Variants in PTPRR observed in about 807,000 individuals in gnomAD.
The protein encoded by PTPRR is receptor-type tyrosine-protein phosphatase R.
Under a neutral mutation model 77.2 loss-of-function variants are expected in PTPRR, and 38 were observed. The observed-to-expected ratio is 0.49, with a 90% CI of 0.38 to 0.65. The LOEUF is 0.65. Among genes scored for constraint, PTPRR ranks in the 30% least tolerant of loss-of-function variants. The pLI, the probability that PTPRR is intolerant of heterozygous loss-of-function variation, is 0.00. For missense variants in PTPRR, 744 were observed against 799.2 expected, an observed-to-expected ratio of 0.93 and a Z score of 0.83; for synonymous variants, 299 against 283.1, an observed-to-expected ratio of 1.06 and a Z score of -0.57.
intron 5 of PTPRR, among the ~76,000 whole-genome samples, chr12:70,751,768 A>C (rs1489018040): frequency 1.3e-5 from 2 of 152,132 alleles, no homozygotes; most frequent in Admixed American, 6.6e-5. Flanking sequence ...CTTCTTCCCT[A>C]TCTCTTCATT....
At chr12:70,777,610 C>T (rs1891117162) in intron 2 of PTPRR, among the ~76,000 whole-genome samples, 1 of 152,222 alleles carries the variant, frequency 6.6e-6, no homozygotes, top group South Asian at 2.1e-4. Flanking sequence ...CCAGAATTCT[C>T]CATGATCAAG....
chr12:70,646,288 C>T (rs1886195967), intron 13 of PTPRR, among the ~76,000 whole-genome samples: 1 of 152,108 alleles, frequency 6.6e-6, no homozygotes, highest in Non-Finnish European at 1.5e-5. Flanking sequence ...TGGCTTTACA[C>T]AGATGTCATA....
At chr12:70,896,461 A>C (rs75949138) in intron 1 of PTPRR, among the ~76,000 whole-genome samples, 2,819 of 151,794 alleles carry the variant, frequency 0.019, 36 homozygotes, top group Non-Finnish European at 0.031. Flanking sequence ...GTATTCATCT[A>C]GACAGATCAT....
At chr12:70,902,365 A>G (rs1286768497) in intron 1 of PTPRR, among the ~76,000 whole-genome samples, 1 of 151,814 alleles carries the variant, frequency 6.6e-6, no homozygotes, top group East Asian at 1.9e-4. Flanking sequence ...ACTTGCAAAC[A>G]CACGTTTATA....
At position 70,754,754 on chromosome 12, in the gene PTPRR, T is replaced by A. The variant is rs779897245; in HGVS notation, c.628-453A>T. On this transcript the variant is annotated intron_variant, in intron 4 of 13. Transcript: ENST00000283228. ...AACAAGTGCAAACAAAAGCTTGTGG[T>A]GCATTAATAAATACAGCAACAATGC... 4 of 1,550,082 alleles carry A rather than the reference T, an allele frequency of 2.6e-6. No individual in the cohort carries two copies. The Admixed American group carries it at 7.7e-5, about 30-fold the overall frequency.
intron 1 of PTPRR, among the ~76,000 whole-genome samples, chr12:70,912,114 T>C (rs1489257970): frequency 1.3e-5 from 2 of 152,236 alleles, no homozygotes; most frequent in East Asian, 3.8e-4. Flanking sequence ...CTAAATTGCT[T>C]ATGATTGAAA....
chr12:70,759,891 C>T lies in PTPRR; in HGVS notation c.627+1580G>A, dbSNP rs557067774. 1.2e-4 allele frequency among the ~76,000 whole-genome samples: 18 copies of T among 152,002 alleles called. No individual in the cohort carries two copies. The South Asian group carries it at 2.9e-3, about 25-fold the overall frequency. ...ATATTAAGAAATCTAGACTTCATTC[C>T]GTAGTATTTTGAAAGCCAGAGAAGA... On this transcript the variant is annotated intron_variant, in intron 4 of 13. Coordinates refer to ENST00000283228, the MANE Select transcript of PTPRR (RefSeq NM_002849.4).
intron 10 of PTPRR, among the ~76,000 whole-genome samples, chr12:70,679,989 T>A (rs1887596403): frequency 6.6e-6 from 1 of 152,214 alleles, no homozygotes; most frequent in African/African-American, 2.4e-5. Context: ...TTTCCCTTTG[T>A]GACTTGGTGG....
intron 2 of PTPRR, among the ~76,000 whole-genome samples, chr12:70,860,256 T>C (rs1892729687): frequency 6.6e-6 from 1 of 152,074 alleles, no homozygotes; most frequent in Non-Finnish European, 1.5e-5. Context: ...TTGTGTAAAA[T>C]ATATTTTCAG....
chr12:70,844,848 A>C (rs973144125), intron 2 of PTPRR, among the ~76,000 whole-genome samples: 1 of 152,248 alleles, frequency 6.6e-6, no homozygotes, highest in African/African-American at 2.4e-5. Flanking sequence ...ATCATATGAA[A>C]ATACCAATAT....
At chr12:70,826,953 C>G (rs1331338649) in intron 2 of PTPRR, among the ~76,000 whole-genome samples, 3 of 152,178 alleles carry the variant, frequency 2.0e-5, no homozygotes, top group African/African-American at 7.2e-5. Context: ...GGGTTTTGGC[C>G]TTGCTCTTCC....
chr12:70,875,077 A>T (rs1361848326), intron 2 of PTPRR, among the ~76,000 whole-genome samples: 1 of 152,208 alleles, frequency 6.6e-6, no homozygotes, highest in East Asian at 1.9e-4. Context: ...ATTATCATTC[A>T]TAGAGGAATG....
intron 6 of PTPRR, among the ~76,000 whole-genome samples, chr12:70,704,856 T>C (rs986734872): frequency 1.3e-5 from 2 of 152,266 alleles, no homozygotes; most frequent in African/African-American, 2.4e-5. Context: ...CGAACTCTAC[T>C]GAAAGCTTTA....
intron 6 of PTPRR, among the ~76,000 whole-genome samples, chr12:70,706,472 T>A (rs1417549560): frequency 6.6e-6 from 1 of 152,026 alleles, no homozygotes; most frequent in Admixed American, 6.6e-5. Context: ...AGGAAGATGA[T>A]ATATGAATTT....
intron 8 of PTPRR, 146 bp from the exon 9 acceptor site, chr12:70,684,929 T>C: frequency 1.8e-6 from 1 of 542,102 alleles, no homozygotes; most frequent in African/African-American, 2.0e-5. Context: ...CATTGCTTGA[T>C]CCATATGTTT....
At chr12:70,827,208 A>T (rs1892124762) in intron 2 of PTPRR, among the ~76,000 whole-genome samples, 1 of 152,198 alleles carries the variant, frequency 6.6e-6, no homozygotes, top group Non-Finnish European at 1.5e-5. Context: ...TCCTCACTGG[A>T]ATATAAGTTA....
chr12:70,766,490 G>A (rs902594926), intron 2 of PTPRR, among the ~76,000 whole-genome samples: 13 of 152,088 alleles, frequency 8.5e-5, no homozygotes, highest in Non-Finnish European at 1.9e-4. Flanking sequence ...AGTGAACAAA[G>A]CCTCCAAGAA....
chr12:70,831,352 G>T (rs143027819), intron 2 of PTPRR, among the ~76,000 whole-genome samples: 1 of 152,266 alleles, frequency 6.6e-6, no homozygotes, highest in East Asian at 1.9e-4. Flanking sequence ...GAACCCAGCA[G>T]TCTTACTATA....
At chr12:70,730,571 G>A (rs1314966184) in intron 6 of PTPRR, among the ~76,000 whole-genome samples, 9 of 151,708 alleles carry the variant, frequency 5.9e-5, no homozygotes, top group Non-Finnish European at 1.2e-4. Context: ...AGTGGCTCAT[G>A]CGTGTAATTC....
Sources: gnomAD v4.1 joint callset for allele counts (sites outside exome capture counted in the v4.1 genomes callset) on GRCh38, gnomAD v4.1.1 for gene constraint, MANE v1.5 for transcripts, NCBI Gene and HGNC (gene_info 2026-07-23, HGNC 2026-07-21) for gene names.